LRRTM3: variants seen among roughly 807,000 people sequenced by gnomAD.
LRRTM3 encodes leucine-rich repeat transmembrane neuronal protein 3.
A neutral mutation model predicts 44.7 loss-of-function variants in LRRTM3; 24 were observed. That is an observed-to-expected ratio of 0.54 (90% CI 0.39 to 0.76). The LOEUF is 0.76. Among genes scored for constraint, LRRTM3 ranks in the 30% least tolerant of loss-of-function variants. LRRTM3 has a pLI of 0.00. For synonymous variants in LRRTM3, 277 were observed against 278.7 expected (o/e 0.99, Z 0.06); for missense variants, 587 against 702.2 (o/e 0.84, Z 1.85).
At chr10:66,960,078 T>A (rs1461646590) in intron 2 of LRRTM3, among the ~76,000 whole-genome samples, 2 of 152,124 alleles carry the variant, frequency 1.3e-5, no homozygotes, top group Non-Finnish European at 2.9e-5. Flanking sequence ...TTGAAATTTT[T>A]TTTTCTTTGC....
chr10:66,941,589 G>A (rs999312606), intron 2 of LRRTM3, among the ~76,000 whole-genome samples: 1 of 152,016 alleles, frequency 6.6e-6, no homozygotes, highest in Non-Finnish European at 1.5e-5. Flanking sequence ...AAAATCAAAG[G>A]CCATAAAAGC....
intron 2 of LRRTM3, among the ~76,000 whole-genome samples, chr10:67,026,169 T>G (rs1222940386): frequency 6.7e-6 from 1 of 150,310 alleles, no homozygotes; most frequent in Non-Finnish European, 1.5e-5. Flanking sequence ...AATGACGAGT[T>G]AATGGGTGCA....
At position 66,996,306 on chromosome 10, in the gene LRRTM3, A is replaced by G. The variant is rs80102044; in HGVS notation, c.1536+67854A>G. 2.6e-3 allele frequency among the ~76,000 whole-genome samples: 402 copies of G among 152,324 alleles called. 1 individual carries two copies. The highest frequency in any genetic ancestry group is 9.2e-3 in the African/African-American group (384 of 41,584). On this transcript the variant is annotated intron_variant, in intron 2 of 2. Coordinates refer to ENST00000361320, the MANE Select transcript of LRRTM3 (RefSeq NM_178011.5). ...TTAGTAGCTGTGCAACAAAGTAAAAAGAGCAAGAGTGCCATTAATATATCT... is the reference window on the plus strand; with the variant it reads ...TTAGTAGCTGTGCAACAAAGTAAAAGGAGCAAGAGTGCCATTAATATATCT...
intron 2 of LRRTM3, among the ~76,000 whole-genome samples, chr10:66,996,025 T>C (rs1808761538): frequency 6.6e-6 from 1 of 152,236 alleles, no homozygotes; most frequent in Admixed American, 6.6e-5. Flanking sequence ...TAAATTATTT[T>C]AGTACGCTTT....
At chr10:67,080,163 A>G (rs1005612416) in intron 2 of LRRTM3, among the ~76,000 whole-genome samples, 22 of 152,168 alleles carry the variant, frequency 1.4e-4, no homozygotes, top group Non-Finnish European at 8.8e-5. Context: ...CCCTCTTCTC[A>G]AGAAAGAAAA....
intron 2 of LRRTM3, among the ~76,000 whole-genome samples, chr10:66,934,276 T>C (rs986240635): frequency 4.6e-5 from 7 of 152,162 alleles, no homozygotes; most frequent in Non-Finnish European, 7.4e-5. Context: ...TTTCTTTTTA[T>C]TTTTAAGGGC....
chr10:67,064,087 T>A (rs1855920653), intron 2 of LRRTM3, among the ~76,000 whole-genome samples: 1 of 152,202 alleles, frequency 6.6e-6, no homozygotes, highest in African/African-American at 2.4e-5. Flanking sequence ...GTGCACTTAT[T>A]TCTAGTTAGC....
chr10:66,991,327 T>A (rs923706638), intron 2 of LRRTM3, among the ~76,000 whole-genome samples: 1 of 152,164 alleles, frequency 6.6e-6, no homozygotes, highest in Admixed American at 6.6e-5. Flanking sequence ...ATTAGTTTGC[T>A]TTTCTGAAAT....
chr10:67,050,247 C>T (rs1855001718), intron 2 of LRRTM3, among the ~76,000 whole-genome samples: 1 of 152,188 alleles, frequency 6.6e-6, no homozygotes, highest in Admixed American at 6.5e-5. Context: ...GCATATCACA[C>T]CACACACAGT....
At chr10:66,941,704 C>T (rs1848005102) in intron 2 of LRRTM3, among the ~76,000 whole-genome samples, 1 of 152,120 alleles carries the variant, frequency 6.6e-6, no homozygotes, top group Non-Finnish European at 1.5e-5. Flanking sequence ...CAGCCTTGAC[C>T]GCACTGCCCG....
At chr10:66,938,477 A>G (rs534135758) in intron 2 of LRRTM3, among the ~76,000 whole-genome samples, 241 of 152,320 alleles carry the variant, frequency 1.6e-3, no homozygotes, top group Non-Finnish European at 2.5e-3. Flanking sequence ...AAGGAAAAGA[A>G]AATATATTTA....
At chr10:67,054,565 T>C (rs537325358) in intron 2 of LRRTM3, 5 of 152,304 alleles carry the variant, frequency 3.3e-5, no homozygotes, top group African/African-American at 7.2e-5. Flanking sequence ...GGTTCCCTAA[T>C]AGAAAAGGGC....
At position 66,926,785 on chromosome 10, in the gene LRRTM3, CAA is replaced by C. The variant is rs1434804018; in HGVS notation, c.5-134_5-133del. ...CACTAAAGACAATTCTCTTTAATTA[CAA>C]AGAGATAATATGTGATGTTAAGTGT... On this transcript the variant is annotated intron_variant, in intron 1 of 2. Transcript: ENST00000361320. The C allele has an allele frequency of 4.2e-5, 40 of 963,352 alleles. No individual in the cohort carries two copies. In the East Asian group the frequency reaches 9.8e-4, roughly 24 times the overall value. The allele number at this position is 963,352 out of a possible 1,614,324, so 59.7% of individuals were successfully genotyped here.
chr10:67,014,045 A>C (rs1852504077), intron 2 of LRRTM3, among the ~76,000 whole-genome samples: 1 of 152,064 alleles, frequency 6.6e-6, no homozygotes, highest in Admixed American at 6.5e-5. Flanking sequence ...CAAAAGGGGG[A>C]GTGTAAAAAA....
At chr10:67,080,106 A>C (rs2131876493) in intron 2 of LRRTM3, among the ~76,000 whole-genome samples, 1 of 152,298 alleles carries the variant, frequency 6.6e-6, no homozygotes, top group South Asian at 2.1e-4. Context: ...GGCAAGAAGA[A>C]CCAGAAGGGG....
rs114417486 is a variant in LRRTM3 at position 67,081,309 on chromosome 10, A to G, written c.1537-16278A>G. ...ATATGAGAGTGACAAGCAGTGAAAT[A>G]TGTAGAAAAAGAAAGGACATGAGGA... On this transcript the variant is annotated intron_variant, in intron 2 of 2. Coordinates refer to ENST00000361320, the MANE Select transcript of LRRTM3 (RefSeq NM_178011.5). 9.2e-3 allele frequency among the ~76,000 whole-genome samples: 1,394 copies of G among 152,328 alleles called. 25 individuals are homozygous for G. The highest frequency in any genetic ancestry group is 0.032 in the African/African-American group (1,327 of 41,576).
intron 2 of LRRTM3, among the ~76,000 whole-genome samples, chr10:67,078,432 A>G (rs2131870145): frequency 1.3e-5 from 2 of 152,354 alleles, no homozygotes; most frequent in African/African-American, 4.8e-5. Flanking sequence ...AGAGGGACCA[A>G]CAAAATGTTA....
At chr10:67,080,681 G>A (rs903558640) in intron 2 of LRRTM3, among the ~76,000 whole-genome samples, 3 of 151,844 alleles carry the variant, frequency 2.0e-5, no homozygotes, top group East Asian at 1.9e-4. Flanking sequence ...AGGCTGAGGC[G>A]GGCGGATCAC....
At chr10:67,086,821 T>C (rs1178406670) in intron 2 of LRRTM3, among the ~76,000 whole-genome samples, 1 of 152,048 alleles carries the variant, frequency 6.6e-6, no homozygotes, top group East Asian at 1.9e-4. Flanking sequence ...GTTTGTTTGC[T>C]TTATAATTTT....
Sources: gnomAD v4.1 joint callset for allele counts (sites outside exome capture counted in the v4.1 genomes callset) on GRCh38, gnomAD v4.1.1 for gene constraint, MANE v1.5 for transcripts, NCBI Gene and HGNC (gene_info 2026-07-23, HGNC 2026-07-21) for gene names.